The following CAST variants were observed in gnomAD, a reference collection of about 807,000 sequenced individuals.
CAST encodes the protein calpastatin, also known as MIR583 host.
In CAST, 76 loss-of-function variants were observed where a neutral mutation model predicts 119.6. That is an observed-to-expected ratio of 0.64 (90% CI 0.53 to 0.77). The LOEUF is 0.77. Among genes scored for constraint, CAST ranks in the 30% least tolerant of loss-of-function variants. The probability of loss-of-function intolerance (pLI) is 0.00; values close to 1 mark genes in which losing one functional copy is unlikely to be tolerated. For synonymous variants in CAST, 319 were observed against 331.6 expected (o/e 0.96, Z 0.41); for missense variants, 953 against 946.5 (o/e 1.01, Z -0.09).
chr5:96,180,326 A>G, the CAST span, among the ~76,000 whole-genome samples: 2 of 152,226 alleles, frequency 1.3e-5, no homozygotes, highest in South Asian at 2.1e-4. Context: ...ATATTTGTTC[A>G]TAGTACACCA....
intron 1 of CAST, among the ~76,000 whole-genome samples, chr5:96,644,071 G>T (rs762948978): frequency 6.6e-6 from 1 of 151,908 alleles, no homozygotes; most frequent in Non-Finnish European, 1.5e-5. Flanking sequence ...AAAATTGAGG[G>T]TTTCTTTTTG....
chr5:96,414,651 C>T, the CAST span, among the ~76,000 whole-genome samples: 1 of 152,224 alleles, frequency 6.6e-6, no homozygotes, highest in Non-Finnish European at 1.5e-5. Flanking sequence ...TACACTGCCA[C>T]AAACTTGCTT....
chr5:96,107,662 T>C, the CAST span, among the ~76,000 whole-genome samples: 1 of 152,180 alleles, frequency 6.6e-6, no homozygotes, highest in Non-Finnish European at 1.5e-5. Flanking sequence ...TAACATTTTT[T>C]CCTTCATTTC....
At chr5:96,149,566 T>G in the CAST span, among the ~76,000 whole-genome samples, 3 of 152,184 alleles carry the variant, frequency 2.0e-5, no homozygotes, top group African/African-American at 7.2e-5. Context: ...AGGAGCTTGA[T>G]GAGACTCATT....
chr5:96,554,989 G>T (rs1476403239), intron 1 of CAST, among the ~76,000 whole-genome samples: 1 of 152,236 alleles, frequency 6.6e-6, no homozygotes. Context: ...GTGGAAGACA[G>T]TGTGGCAATT....
intron 3 of CAST, among the ~76,000 whole-genome samples, chr5:96,703,913 A>G (rs1385696897): frequency 2.0e-5 from 3 of 152,216 alleles, no homozygotes; most frequent in Non-Finnish European, 4.4e-5. Flanking sequence ...TGATGAATGT[A>G]TTCGACTTTT....
At chr5:96,108,767 C>T in the CAST span, among the ~76,000 whole-genome samples, 2,410 of 152,320 alleles carry the variant, frequency 0.016, 51 homozygotes, top group African/African-American at 0.054. Flanking sequence ...TGGAGCTTGC[C>T]GGCTGCTTTG....
At chr5:96,429,557 T>C in the CAST span, among the ~76,000 whole-genome samples, 1 of 152,188 alleles carries the variant, frequency 6.6e-6, no homozygotes, top group Non-Finnish European at 1.5e-5. Flanking sequence ...CACCCAGGTA[T>C]TAAGCCCAAT....
chr5:96,010,097 G>T, the CAST span, among the ~76,000 whole-genome samples: 1 of 152,136 alleles, frequency 6.6e-6, no homozygotes, highest in Admixed American at 6.5e-5. Context: ...AAGATCAGAT[G>T]GTTATAGGCA....
the CAST span, among the ~76,000 whole-genome samples, chr5:96,133,926 G>T: frequency 6.6e-6 from 1 of 152,176 alleles, no homozygotes; most frequent in African/African-American, 2.4e-5. Context: ...GAAGCCCTCA[G>T]ACTCCTAAGA....
chr5:96,462,991 T>C, the CAST span, among the ~76,000 whole-genome samples: 1 of 152,110 alleles, frequency 6.6e-6, no homozygotes, highest in Admixed American at 6.6e-5. Flanking sequence ...CAATTAAACC[T>C]CTTTTGTTTA....
chr5:96,306,363 GTCTA>G, the CAST span, among the ~76,000 whole-genome samples: 1 of 151,936 alleles, frequency 6.6e-6, no homozygotes, highest in African/African-American at 2.4e-5. Context: ...CTGGCTAGTG[GTCTA>G]TCTATTTTGT....
At chr5:96,401,166 G>C in the CAST span, among the ~76,000 whole-genome samples, 2 of 150,942 alleles carry the variant, frequency 1.3e-5, no homozygotes, top group African/African-American at 4.9e-5. Context: ...TATCTGGTGA[G>C]TGCTATATTC....
chr5:96,631,470 G>T (rs1283276313), intron 1 of CAST, among the ~76,000 whole-genome samples: 1 of 140,162 alleles, frequency 7.1e-6, no homozygotes, highest in Non-Finnish European at 1.6e-5. Context: ...ACATCCCATT[G>T]TATGGATTTC....
At chr5:96,263,602 TAGAG>T in the CAST span, among the ~76,000 whole-genome samples, 195 of 146,006 alleles carry the variant, frequency 1.3e-3, 1 homozygote, top group African/African-American at 4.6e-3. Context: ...GATAGCAAAT[TAGAG>T]AGAGAGAGAG....
the CAST span, among the ~76,000 whole-genome samples, chr5:96,009,873 G>A: frequency 6.6e-6 from 1 of 152,034 alleles, no homozygotes; most frequent in East Asian, 1.9e-4. Flanking sequence ...TTGCCAGGTC[G>A]ATGTCAAGAA....
At chr5:96,014,679 G>A in the CAST span, among the ~76,000 whole-genome samples, 3 of 152,096 alleles carry the variant, frequency 2.0e-5, no homozygotes, top group Non-Finnish European at 4.4e-5. Flanking sequence ...GCAGTCTGTT[G>A]TTATGCAGTG....
chr5:96,321,191 A>T, the CAST span, among the ~76,000 whole-genome samples: 2 of 152,232 alleles, frequency 1.3e-5, no homozygotes, highest in Admixed American at 1.3e-4. Flanking sequence ...TTTGTGGTGG[A>T]GACTGTCCTG....
At chr5:96,076,781 T>C in the CAST span, among the ~76,000 whole-genome samples, 3 of 152,178 alleles carry the variant, frequency 2.0e-5, no homozygotes, top group Admixed American at 1.3e-4. Context: ...TGTTCATTTT[T>C]TTCTCCTTGT....
Sources: gnomAD v4.1 joint callset for allele counts (sites outside exome capture counted in the v4.1 genomes callset) on GRCh38, gnomAD v4.1.1 for gene constraint, MANE v1.5 for transcripts, NCBI Gene and HGNC (gene_info 2026-07-23, HGNC 2026-07-21) for gene names.